CCDC175: variants seen among roughly 807,000 people sequenced by gnomAD.
CCDC175 encodes coiled-coil domain-containing protein 175.
CCDC175 carries 100 observed loss-of-function variants against 114.6 expected under a neutral mutation model. The observed-to-expected ratio is 0.87, with a 90% CI of 0.74 to 1.03. The LOEUF is 1.03. Among genes scored for constraint, CCDC175 ranks in the 50% least tolerant of loss-of-function variants. CCDC175 has a pLI of 0.00. For synonymous variants in CCDC175, 306 were observed against 308.7 expected (o/e 0.99, Z 0.09); for missense variants, 880 against 917.8 (o/e 0.96, Z 0.53).
intron 13 of CCDC175, among the ~76,000 whole-genome samples, chr14:59,534,752 G>A (rs189236499): frequency 2.0e-5 from 3 of 152,260 alleles, no homozygotes; most frequent in African/African-American, 7.2e-5. Context: ...TACAACGGAG[G>A]GTCCGGTATC....
At chr14:59,533,314 G>A (rs989711312) in intron 13 of CCDC175, among the ~76,000 whole-genome samples, 2 of 152,196 alleles carry the variant, frequency 1.3e-5, no homozygotes, top group South Asian at 4.1e-4. Flanking sequence ...ATACAAATCA[G>A]GAGTCATTGT....
intron 19 of CCDC175, among the ~76,000 whole-genome samples, chr14:59,508,399 T>TACACACACAC (rs71451066): frequency 0.15 from 14,296 of 97,268 alleles, 1,640 homozygotes; most frequent in Admixed American, 0.17. Flanking sequence ...GTCTCCAAAA[T>TACACACACAC]ACACACACAC....
chr14:59,544,367 G>C (rs7150121), intron 9 of CCDC175, among the ~76,000 whole-genome samples: 79,871 of 151,922 alleles, frequency 0.53, 22,009 homozygotes, highest in East Asian at 0.82. Context: ...GGGGTTTCAA[G>C]TAGTTATTTT....
In CCDC175 at chr14:59,520,543, T is replaced by A. The variant is rs538024643; in HGVS notation, c.2098+1031A>T. Among the ~76,000 whole-genome samples the A allele has an allele frequency of 5.3e-5, 8 of 152,328 alleles. No individual in the cohort carries two copies. The South Asian group carries it at 1.7e-3, about 32-fold the overall frequency. ...GAAAACATGGCCATAAAAACACTTG[T>A]AAACAAATGTTCACAATAGCTTCAT... On this transcript the variant is annotated intron_variant, in intron 17 of 19. Coordinates refer to ENST00000537690, the MANE Select transcript of CCDC175 (RefSeq NM_001164399.2).
intron 7 of CCDC175, among the ~76,000 whole-genome samples, chr14:59,557,985 A>G (rs1224321412): frequency 6.6e-6 from 1 of 152,208 alleles, no homozygotes; most frequent in East Asian, 1.9e-4. Flanking sequence ...AAAGTAGGAT[A>G]AACCATAAAA....
At chr14:59,507,559 A>G (rs1312631071) in intron 19 of CCDC175, among the ~76,000 whole-genome samples, 1 of 152,204 alleles carries the variant, frequency 6.6e-6, no homozygotes, top group Non-Finnish European at 1.5e-5. Flanking sequence ...CTGAACTGAG[A>G]TAAGGGCTTC....
chr14:59,558,026 C>T (rs1797918125), intron 7 of CCDC175, among the ~76,000 whole-genome samples: 1 of 152,140 alleles, frequency 6.6e-6, no homozygotes, highest in African/African-American at 2.4e-5. Context: ...CAGCTCTAGA[C>T]AGGTGGTCAG....
Position 59,538,789 on chromosome 14 carries a change from C to T in CCDC175, c.1407G>A (p.Trp469Ter), listed in dbSNP as rs1173441983. The T allele has an allele frequency of 5.2e-6, 8 of 1,536,756 alleles. No homozygotes were observed. The Admixed American group carries it at 5.9e-5, about 11-fold the overall frequency. Residue 469 changes from tryptophan to a stop codon, truncating the protein, a stop_gained, in exon 12 of 20, where the codon TGG becomes TGA. Transcript: ENST00000537690. LOFTEE classifies it high-confidence loss of function. ...GTATTTCAGCTTTTATCTTGGCTGTCCAACGTGCATGCTTTTTTCTCAAGC... is the reference window on the plus strand; with the variant it reads ...GTATTTCAGCTTTTATCTTGGCTGTTCAACGTGCATGCTTTTTTCTCAAGC... ...MACLRKKHARWTAKIKAEIQA... is the reference protein window; with the variant it reads ...MACLRKKHAR
Position 59,525,345 on chromosome 14 carries a change from A to T in CCDC175, c.1932T>A (p.Asn644Lys). The change falls in exon 16 of 20, where the codon AAT becomes AAA. Residue 644 changes from asparagine (N) to lysine (K), a missense_variant. By Grantham distance (94) the Asn-to-Lys change is moderately conservative (BLOSUM62 0). Transcript: ENST00000537690. ...DHFETLKNLE[N>K]GFYINDQKAD... ...CTTTTTGGTCATTTATATAGAATCC[A>T]TTTTCTAAGTTCTTTAGAGTTTCAA... The T allele has an allele frequency of 6.7e-7, 1 of 1,503,278 alleles. No homozygotes were observed. Among genetic ancestry groups the T allele is most frequent in the South Asian group, 1.3e-5 (1 of 78,446 alleles). 93.1% of individuals were successfully genotyped at this position (1,503,278 alleles called of 1,614,324 possible). A position where few individuals can be genotyped will look rare whatever the true frequency, so the allele number is the denominator to read the frequency against.
Position 59,538,720 on chromosome 14 carries a change from A to C in CCDC175, c.1476T>G (p.Ile492Met). 6.5e-7 allele frequency: 1 copy of C among 1,535,620 alleles called. No homozygotes were observed. The highest frequency in any genetic ancestry group is 8.7e-7 in the Non-Finnish European group (1 of 1,146,322). Residue 492 changes from isoleucine to methionine, a missense_variant, in exon 12 of 20, where the codon ATT (isoleucine) becomes ATG (methionine). By Grantham distance (10) the Ile-to-Met change is conservative (BLOSUM62 1). Coordinates refer to ENST00000537690, the MANE Select transcript of CCDC175 (RefSeq NM_001164399.2). ...EKIQNAEVRR[I>M]ELLNETSFRQ... ...GTTCTCTTACCTCGTTAAGTAATTCAATTCGTCTAACTTCTGCATTCTGAA... is the reference window on the plus strand; with the variant it reads ...GTTCTCTTACCTCGTTAAGTAATTCCATTCGTCTAACTTCTGCATTCTGAA...
At chr14:59,569,718 A>AT (rs1205727629) in intron 3 of CCDC175, among the ~76,000 whole-genome samples, 9 of 152,176 alleles carry the variant, frequency 5.9e-5, no homozygotes, top group Non-Finnish European at 8.8e-5. Context: ...CACCAAGCAT[A>AT]TTTTTTTAAA....
intron 8 of CCDC175, among the ~76,000 whole-genome samples, chr14:59,550,069 C>A (rs183860518): frequency 1.3e-5 from 2 of 152,194 alleles, no homozygotes; most frequent in Non-Finnish European, 2.9e-5. Flanking sequence ...CACCACCACA[C>A]CCAGCTAATT....
chr14:59,512,984 A>C (rs111318104), intron 17 of CCDC175, among the ~76,000 whole-genome samples: 1,802 of 152,316 alleles, frequency 0.012, 27 homozygotes, highest in African/African-American at 0.042. Flanking sequence ...TAATTAAGAC[A>C]GTGTGATATT....
intron 17 of CCDC175, among the ~76,000 whole-genome samples, chr14:59,514,190 G>A (rs979600771): frequency 5.9e-5 from 9 of 152,054 alleles, no homozygotes; most frequent in Admixed American, 5.2e-4. Flanking sequence ...AAAGACCAAA[G>A]GTAGATAAAA....
chr14:59,558,408 T>A (rs936615411), intron 7 of CCDC175, among the ~76,000 whole-genome samples: 2 of 152,200 alleles, frequency 1.3e-5, no homozygotes, highest in Non-Finnish European at 2.9e-5. Flanking sequence ...CCAGAAAAGA[T>A]CACGGCTGTT....
intron 7 of CCDC175, among the ~76,000 whole-genome samples, chr14:59,559,431 T>C (rs1474386462): frequency 1.3e-5 from 2 of 152,142 alleles, no homozygotes; most frequent in South Asian, 2.1e-4. Flanking sequence ...TATGGTTGAG[T>C]GATTTTGTTT....
intron 17 of CCDC175, among the ~76,000 whole-genome samples, chr14:59,515,264 A>G (rs1359808524): frequency 6.6e-6 from 1 of 152,212 alleles, no homozygotes; most frequent in African/African-American, 2.4e-5. Context: ...TCCACTAACA[A>G]GCAAAATAAC....
At chr14:59,519,479 C>T (rs925436811) in intron 17 of CCDC175, among the ~76,000 whole-genome samples, 22 of 152,162 alleles carry the variant, frequency 1.4e-4, no homozygotes, top group South Asian at 8.3e-4. Context: ...AGATGGGCTT[C>T]GTTCAAATGA....
chr14:59,549,460 T>C (rs1895320583), intron 8 of CCDC175, among the ~76,000 whole-genome samples: 1 of 152,142 alleles, frequency 6.6e-6, no homozygotes, highest in Admixed American at 6.5e-5. Flanking sequence ...CTATAGTGAT[T>C]TGTGACTATG....
Sources: allele counts gnomAD v4.1 joint callset (sites outside exome capture counted in the v4.1 genomes callset), GRCh38; gene constraint gnomAD v4.1.1; transcripts MANE v1.5; gene names NCBI Gene and HGNC (gene_info 2026-07-23, HGNC 2026-07-21).